Variants in TPD52L1 observed in about 807,000 individuals in gnomAD.
TPD52L1 encodes TPD52 like 1.
Under a neutral mutation model 28.7 loss-of-function variants are expected in TPD52L1, and 18 were observed. The ratio of observed to expected loss-of-function variants is 0.63; its 90% CI spans 0.43 to 0.93. The LOEUF is 0.93. TPD52L1 is among the 40% of genes least tolerant of loss of function. TPD52L1 has a pLI of 0.00. For synonymous variants in TPD52L1, 75 were observed against 88.8 expected, an observed-to-expected ratio of 0.84 and a Z score of 0.88; for missense variants, 203 against 254.8, an observed-to-expected ratio of 0.80 and a Z score of 1.39.
In TPD52L1 at chr6:125,215,334, A is replaced by G. The variant is rs714288; in HGVS notation, c.20-4744A>G. ...TTCTTGATTCTTGAATTATCCTTTG[A>G]CCTCATCATTTGATTGCTGCTTTCC... is the stretch of plus-strand genomic sequence containing the variant. On this transcript the variant is annotated intron_variant, in intron 1 of 6. Coordinates refer to ENST00000534000, the MANE Select transcript of TPD52L1 (RefSeq NM_003287.4). Among the ~76,000 whole-genome samples the G allele has an allele frequency of 7.1e-3, 1,086 of 152,142 alleles. 15 individuals are homozygous for G. Among genetic ancestry groups the G allele is most frequent in the African/African-American group, 0.025 (1,049 of 41,484 alleles).
At chr6:125,172,142 TTCTTTCTTTCTTTCTTTTC>T (rs1313814269) in intron 1 of TPD52L1, among the ~76,000 whole-genome samples, 1 of 78,794 alleles carries the variant, frequency 1.3e-5, no homozygotes, top group Non-Finnish European at 2.3e-5. Flanking sequence ...CTTTCTTTCT[TTCTTTCTTTCTTTCTTTTC>T]TTTCTTTCTT....
At chr6:125,247,634 C>G (rs1797001306) in intron 3 of TPD52L1, among the ~76,000 whole-genome samples, 1 of 152,194 alleles carries the variant, frequency 6.6e-6, no homozygotes, top group African/African-American at 2.4e-5. Context: ...TGTCAGAGAC[C>G]AGGGACACAA....
At chr6:125,199,546 G>A (rs1331351213) in intron 1 of TPD52L1, among the ~76,000 whole-genome samples, 3 of 152,142 alleles carry the variant, frequency 2.0e-5, no homozygotes, top group Admixed American at 6.5e-5. Context: ...TTAGCCAGGC[G>A]TGGTGCTACA....
intron 1 of TPD52L1, among the ~76,000 whole-genome samples, chr6:125,211,455 G>A (rs960935912): frequency 1.3e-5 from 2 of 152,166 alleles, no homozygotes; most frequent in African/African-American, 4.8e-5. Flanking sequence ...AAAAAAGTCT[G>A]TGCTGCAATA....
intron 1 of TPD52L1, among the ~76,000 whole-genome samples, chr6:125,182,267 G>A (rs779291136): frequency 6.6e-6 from 1 of 152,202 alleles, no homozygotes; most frequent in Admixed American, 6.5e-5. Context: ...GAAGCATGTA[G>A]AGCCCAGGGA....
At chr6:125,173,688 G>A (rs1480841901) in intron 1 of TPD52L1, among the ~76,000 whole-genome samples, 2 of 152,176 alleles carry the variant, frequency 1.3e-5, no homozygotes, top group Admixed American at 6.5e-5. Context: ...ACAAATACAT[G>A]TATTAAGCTA....
intron 3 of TPD52L1, among the ~76,000 whole-genome samples, chr6:125,238,914 T>C (rs1055536976): frequency 5.6e-4 from 86 of 152,236 alleles, no homozygotes; most frequent in African/African-American, 2.0e-3. Flanking sequence ...ATTTTTGCAA[T>C]TGCAAATTGT....
intron 3 of TPD52L1, among the ~76,000 whole-genome samples, chr6:125,233,338 C>T (rs1022043014): frequency 6.6e-6 from 1 of 152,086 alleles, no homozygotes; most frequent in Non-Finnish European, 1.5e-5. Context: ...TGATTTTGTT[C>T]TTCTAAGACT....
rs557692848 is a variant in TPD52L1 at position 125,197,621 on chromosome 6, T to A, written c.20-22457T>A. Among the ~76,000 whole-genome samples, 3 of 152,226 alleles carry A rather than the reference T, an allele frequency of 2.0e-5. 1 individual carries two copies. The highest frequency in any genetic ancestry group is 4.4e-5 in the Non-Finnish European group (3 of 68,004). ...AAGAACAGTCAGAAGGATTTTTTTT[T>A]AAGCAAAGTCTATTTTTCACCCAAG... On this transcript the variant is annotated intron_variant, in intron 1 of 6. Transcript: ENST00000534000.
intron 2 of TPD52L1, 184 bp from the exon 3 acceptor site, chr6:125,228,934 G>A: frequency 2.3e-6 from 1 of 426,638 alleles, no homozygotes; most frequent in South Asian, 7.3e-5. Flanking sequence ...TCATTAAAAT[G>A]AAAAATTCTG....
chr6:125,220,591 C>T (rs747826762), intron 2 of TPD52L1, among the ~76,000 whole-genome samples: 1 of 152,156 alleles, frequency 6.6e-6, no homozygotes, highest in African/African-American at 2.4e-5. Flanking sequence ...CTTAGCTCAA[C>T]AATTACTTTG....
chr6:125,251,959 T>C (rs912397877), intron 4 of TPD52L1: 4 of 1,524,720 alleles, frequency 2.6e-6, no homozygotes, highest in Non-Finnish European at 3.5e-6. Flanking sequence ...CAGTGCAGTG[T>C]TTCTCTGCCT....
Position 125,220,445 on chromosome 6 carries a change from T to A in TPD52L1, c.135+252T>A, listed in dbSNP as rs1562313421. Among the ~76,000 whole-genome samples the A allele has an allele frequency of 3.9e-5, 6 of 152,232 alleles. No individual in the cohort carries two copies. In the South Asian group the frequency reaches 1.0e-3, roughly 26 times the overall value. ...AGCAACAATAATAACCAGTTTTAAA[T>A]ATACACTTCTTATTCTTTTTACTGT... On this transcript the variant is annotated intron_variant, in intron 2 of 6. Coordinates refer to ENST00000534000, the MANE Select transcript of TPD52L1 (RefSeq NM_003287.4).
chr6:125,220,210 T>C lies in TPD52L1; in HGVS notation c.135+17T>C, dbSNP rs777274704. The C allele has an allele frequency of 8.1e-6, 12 of 1,475,674 alleles. No individual in the cohort carries two copies. Among genetic ancestry groups the C allele is most frequent in the Non-Finnish European group, 1.1e-5 (12 of 1,054,508 alleles). 91.4% of individuals were successfully genotyped at this position (1,475,674 alleles called of 1,614,324 possible). The stretch of plus-strand genomic sequence containing the variant: ...TTAGTTCAGGTATGTTTAGTAATCT[T>C]ATTGTTGCTATTTCTATCTCTGGAT... On this transcript the variant is annotated intron_variant, in intron 2 of 6. Coordinates refer to ENST00000534000, the MANE Select transcript of TPD52L1 (RefSeq NM_003287.4).
At chr6:125,262,688 G>T in intron 6 of TPD52L1, 146 bp from the exon 7 acceptor site, 1 of 1,137,798 alleles carries the variant, frequency 8.8e-7, no homozygotes. Context: ...TCTACTAAAG[G>T]AAACAAACTT....
At chr6:125,255,089 C>T (rs751628108) in intron 5 of TPD52L1, among the ~76,000 whole-genome samples, 23 of 152,138 alleles carry the variant, frequency 1.5e-4, no homozygotes, top group Non-Finnish European at 3.1e-4. Flanking sequence ...ACCTAAGGCT[C>T]TGTTCCCCTT....
intron 2 of TPD52L1, among the ~76,000 whole-genome samples, chr6:125,225,974 T>C (rs930858338): frequency 2.0e-5 from 3 of 152,132 alleles, no homozygotes; most frequent in Admixed American, 2.0e-4. Context: ...AAATAAAGGA[T>C]TGAAGTTCAT....
intron 1 of TPD52L1, among the ~76,000 whole-genome samples, chr6:125,168,451 C>T (rs1003255473): frequency 6.6e-6 from 1 of 152,072 alleles, no homozygotes; most frequent in Admixed American, 6.6e-5. Context: ...CCTCTCTTCT[C>T]AGTCCCCTCT....
chr6:125,156,255 A>G (rs965996564), intron 1 of TPD52L1, among the ~76,000 whole-genome samples: 1 of 152,106 alleles, frequency 6.6e-6, no homozygotes, highest in Admixed American at 6.5e-5. Flanking sequence ...CTTAGAGCCC[A>G]GGAGTTCGAG....
Sources: allele counts gnomAD v4.1 joint callset (sites outside exome capture counted in the v4.1 genomes callset), GRCh38; gene constraint gnomAD v4.1.1; transcripts MANE v1.5; gene names NCBI Gene and HGNC (gene_info 2026-07-23, HGNC 2026-07-21).